SORBS2: variants seen among roughly 807,000 people sequenced by gnomAD.
SORBS2 encodes sorbin and SH3 domain-containing protein 2.
Under a neutral mutation model 97.7 loss-of-function variants are expected in SORBS2, and 46 were observed. That is an observed-to-expected ratio of 0.47 (90% confidence interval 0.37 to 0.60). The LOEUF (loss-of-function observed/expected upper bound fraction) is 0.60, where lower values mean the gene tolerates loss of function less well. SORBS2 is among the 20% of genes least tolerant of loss of function. SORBS2 has a pLI of 0.00. For missense variants in SORBS2, 1,316 were observed against 1,282.3 expected (o/e 1.03, Z -0.40); for synonymous variants, 476 against 473.4 (o/e 1.01, Z -0.07).
chr4:185,801,051 C>A (rs965564539), intron 1 of SORBS2, among the ~76,000 whole-genome samples: 2 of 152,148 alleles, frequency 1.3e-5, no homozygotes, highest in African/African-American at 2.4e-5. Flanking sequence ...TTCCTCCCCC[C>A]ACCAATTCCT....
chr4:185,946,598 A>T (rs2099274664), intron 1 of SORBS2, among the ~76,000 whole-genome samples: 1 of 152,210 alleles, frequency 6.6e-6, no homozygotes, highest in Non-Finnish European at 1.5e-5. Flanking sequence ...AGCAAAGGAA[A>T]TACAAAGCAA....
intron 1 of SORBS2, among the ~76,000 whole-genome samples, chr4:185,915,085 G>C (rs956634734): frequency 1.3e-5 from 2 of 152,220 alleles, no homozygotes; most frequent in African/African-American, 4.8e-5. Context: ...TCATCTGAAA[G>C]GATGATCTGT....
intron 1 of SORBS2, among the ~76,000 whole-genome samples, chr4:185,905,165 G>A (rs2099250070): frequency 6.6e-6 from 1 of 151,976 alleles, no homozygotes; most frequent in African/African-American, 2.4e-5. Flanking sequence ...ATCTGAAGTA[G>A]TCTGTCTTAC....
chr4:185,954,433 G>A (rs1214458752), intron 1 of SORBS2, among the ~76,000 whole-genome samples: 1 of 151,964 alleles, frequency 6.6e-6, no homozygotes, highest in Non-Finnish European at 1.5e-5. Flanking sequence ...AATATTAGAT[G>A]TACATTTCCA....
chr4:185,701,254 C>A, intron 2 of SORBS2, among the ~76,000 whole-genome samples: 1 of 152,196 alleles, frequency 6.6e-6, no homozygotes, highest in East Asian at 1.9e-4. Context: ...CCCAACTACA[C>A]GAACTCTTTC....
chr4:185,910,000 AAAAAG>A (rs1298756320), intron 1 of SORBS2, among the ~76,000 whole-genome samples: 11 of 151,800 alleles, frequency 7.2e-5, no homozygotes, highest in Admixed American at 3.9e-4. Flanking sequence ...AAAAAAAAAA[AAAAAG>A]AAAAGAAATA....
In SORBS2 at chr4:185,607,351, T is replaced by G; in HGVS notation, c.2796+4429A>C. On this transcript the variant is annotated intron_variant, in intron 12 of 14. Coordinates refer to ENST00000418609, the Ensembl canonical transcript of SORBS2. The surrounding 1 kb of genome is among the most constrained non-coding windows in gnomAD (Gnocchi z 5.2). The stretch of plus-strand genomic sequence containing the variant: ...AGGGGCTGGTTCACTGGAAGCCAAC[T>G]TGGAAATGAGCACGGATTATGAAGT... 1.6e-6 allele frequency: 2 copies of G among 1,284,356 alleles called. No individual in the cohort carries two copies. Among genetic ancestry groups the G allele is most frequent in the Non-Finnish European group, 2.0e-6 (2 of 984,776 alleles). 79.6% of individuals were successfully genotyped at this position (1,284,356 alleles called of 1,614,324 possible).
At chr4:185,603,533 C>T (rs2096325333) in intron 12 of SORBS2, among the ~76,000 whole-genome samples, 2 of 152,172 alleles carry the variant, frequency 1.3e-5, no homozygotes, top group South Asian at 4.1e-4. Context: ...AATGGCACTT[C>T]CTAATACAGA....
At chr4:185,703,670 G>C (rs2098297782) in intron 2 of SORBS2, among the ~76,000 whole-genome samples, 1 of 152,168 alleles carries the variant, frequency 6.6e-6, no homozygotes, top group African/African-American at 2.4e-5. Flanking sequence ...GTTGAGAAAT[G>C]TCGGCATCAG....
Position 185,859,611 on chromosome 4 carries a change from T to C in SORBS2, c.-337-84245A>G, listed in dbSNP as rs73019833. Among the ~76,000 whole-genome samples, 903 of 152,294 alleles carry C rather than the reference T, an allele frequency of 5.9e-3. 16 individuals are homozygous for C. Among genetic ancestry groups the C allele is most frequent in the African/African-American group, 0.021 (854 of 41,566 alleles). On this transcript the variant is annotated intron_variant, in intron 1 of 20. Coordinates refer to the SORBS2 transcript ENST00000284776. The stretch of plus-strand genomic sequence containing the variant: ...GGGCCCCCATGATTCCCCATAAATA[T>C]GTGTATTCTAGACCCTATGATACAT...
At chr4:185,898,612 AAACT>A (rs2099246100) in intron 1 of SORBS2, among the ~76,000 whole-genome samples, 1 of 152,224 alleles carries the variant, frequency 6.6e-6, no homozygotes, top group Non-Finnish European at 1.5e-5. Context: ...AACGCAAATG[AAACT>A]AACTAGCGGC....
At chr4:185,860,061 A>T (rs900400559) in intron 1 of SORBS2, among the ~76,000 whole-genome samples, 2 of 152,232 alleles carry the variant, frequency 1.3e-5, no homozygotes. Context: ...ATAAAAGGTC[A>T]CTTGTAATTG....
At chr4:185,790,929 T>C (rs1234029069) in intron 1 of SORBS2, among the ~76,000 whole-genome samples, 1 of 152,236 alleles carries the variant, frequency 6.6e-6, no homozygotes, top group African/African-American at 2.4e-5. Flanking sequence ...GGTACTTAGC[T>C]ATGAATATTC....
chr4:185,748,094 G>C (rs1054401672), intron 2 of SORBS2, among the ~76,000 whole-genome samples: 2 of 152,110 alleles, frequency 1.3e-5, no homozygotes, highest in African/African-American at 4.8e-5. Context: ...TTTTATTTAA[G>C]GTACATTTTG....
At chr4:185,602,889 G>C (rs540578986) in intron 12 of SORBS2, among the ~76,000 whole-genome samples, 1 of 152,132 alleles carries the variant, frequency 6.6e-6, no homozygotes, top group South Asian at 2.1e-4. Flanking sequence ...GATTTATAAG[G>C]TTTAAAAAAA....
At position 185,924,968 on chromosome 4, in the gene SORBS2, C is replaced by T. The variant is rs74725471; in HGVS notation, c.-338+31228G>A. On this transcript the variant is annotated intron_variant, in intron 1 of 20. Transcript: ENST00000284776. The stretch of plus-strand genomic sequence containing the variant: ...GTCATCCGAGTCGTATCAACTTGTT[C>T]CCACCCCAAAAATCACTCTGACAAG... 8.8e-3 allele frequency among the ~76,000 whole-genome samples: 1,345 copies of T among 152,216 alleles called. 11 individuals are homozygous for T. The highest frequency in any genetic ancestry group is 0.031 in the Middle Eastern group (9 of 294).
chr4:185,868,499 CAAG>C (rs1561251341), intron 1 of SORBS2, among the ~76,000 whole-genome samples: 3 of 151,964 alleles, frequency 2.0e-5, no homozygotes, highest in African/African-American at 4.8e-5. Context: ...CCTAAAATTT[CAAG>C]AAGGAGGGAT....
At position 185,623,805 on chromosome 4, in the gene SORBS2, G is replaced by A. The variant is rs1275512946; in HGVS notation, c.1324C>T (p.Pro442Ser). 6.2e-7 allele frequency: 1 copy of A among 1,614,068 alleles called. No homozygotes were observed. The highest frequency in any genetic ancestry group is 8.5e-7 in the Non-Finnish European group (1 of 1,180,044). ...TTGGGACATAGGCCATTTTGCGGTG[G>A]TTCTAGGGTTACGGGAGACAGCATG... The change falls in exon 7 of 15, where the codon CCA becomes TCA. Residue 442 changes from proline to serine, a missense_variant. Transcript: ENST00000418609. This position sits in a 1 kb window ranked among gnomAD's most constrained non-coding sequence, Gnocchi z 6.4.
intron 1 of SORBS2, 49 bp from the exon 10 acceptor site, chr4:185,652,777 A>G (rs1357945033): frequency 7.0e-6 from 9 of 1,290,282 alleles, no homozygotes; most frequent in Non-Finnish European, 1.0e-5. Flanking sequence ...TCCAATCAAC[A>G]TCGCTTCTCA....
Sources: allele counts gnomAD v4.1 joint callset (sites outside exome capture counted in the v4.1 genomes callset), GRCh38; gene constraint gnomAD v4.1.1; non-coding constraint Gnocchi (gnomAD v3.1); transcripts MANE v1.5; gene names NCBI Gene and HGNC (gene_info 2026-07-23, HGNC 2026-07-21).